TMEM150C: variants seen among roughly 807,000 people sequenced by gnomAD.
TMEM150C encodes tentonin 3.
A neutral mutation model predicts 29.9 loss-of-function variants in TMEM150C; 10 were observed. That is an observed-to-expected ratio of 0.33 (90% CI 0.21 to 0.57). The LOEUF is 0.57. Ranked by LOEUF, TMEM150C falls within the 20% of genes least tolerant of loss-of-function variation. The probability of loss-of-function intolerance (pLI) is 0.88; values close to 1 mark genes in which losing one functional copy is unlikely to be tolerated. For missense variants in TMEM150C, 251 were observed against 303.6 expected (o/e 0.83, Z 1.29); for synonymous variants, 101 against 112.5 (o/e 0.90, Z 0.64).
intron 2 of TMEM150C, among the ~76,000 whole-genome samples, chr4:82,503,668 G>A (rs1027369134): frequency 1.3e-5 from 2 of 152,026 alleles, no homozygotes; most frequent in East Asian, 1.9e-4. Context: ...GGCTAACATG[G>A]TGAAACCCCG....
At chr4:82,549,116 C>T (rs550028312) in intron 1 of TMEM150C, among the ~76,000 whole-genome samples, 1 of 149,850 alleles carries the variant, frequency 6.7e-6, no homozygotes, top group South Asian at 2.1e-4. Flanking sequence ...ACCACTGTTA[C>T]ATTTGATGTG....
At chr4:82,493,032 A>C (rs1480168695) in intron 6 of TMEM150C, among the ~76,000 whole-genome samples, 1 of 151,038 alleles carries the variant, frequency 6.6e-6, no homozygotes, top group East Asian at 1.9e-4. Flanking sequence ...TTTTAATTGC[A>C]CATATAAGAA....
Position 82,511,472 on chromosome 4 carries a change from A to ATTTTTTTTTTTT in TMEM150C, c.-10-6817_-10-6806dup, listed in dbSNP as rs397935719. Among the ~76,000 whole-genome samples, 25 of 106,348 alleles carry ATTTTTTTTTTTT rather than the reference A, an allele frequency of 2.4e-4. 1 individual carries two copies. The highest frequency in any genetic ancestry group is 5.9e-4 in the Admixed American group (5 of 8,466). 69.8% of individuals were successfully genotyped at this position (106,348 alleles called of 152,430 possible). ...CAATGGAGCACATTGTCCCAACACT[A>ATTTTTTTTTTTT]TTTTTTTTTTTTTTTTTTTTGAGAT... On this transcript the variant is annotated intron_variant, in intron 1 of 7. Coordinates refer to ENST00000449862, the MANE Select transcript of TMEM150C (RefSeq NM_001080506.3).
chr4:82,524,020 A>T (rs1179725247), intron 1 of TMEM150C, among the ~76,000 whole-genome samples: 1 of 150,450 alleles, frequency 6.6e-6, no homozygotes, highest in African/African-American at 2.4e-5. Flanking sequence ...CAACTTTGGG[A>T]GGCCAAGAAG....
chr4:82,489,747 T>C (rs1723271832), intron 7 of TMEM150C, among the ~76,000 whole-genome samples: 1 of 152,178 alleles, frequency 6.6e-6, no homozygotes, highest in Non-Finnish European at 1.5e-5. Flanking sequence ...AAATGGCAAT[T>C]CTCTTTTGGC....
At chr4:82,490,960 T>C (rs961501701) in intron 6 of TMEM150C, 1 of 730,748 alleles carries the variant, frequency 1.4e-6, no homozygotes, top group Non-Finnish European at 2.5e-6. Flanking sequence ...TTGGTCCTGA[T>C]AGCTTCCACC....
chr4:82,501,373 T>A (rs1317941994), intron 5 of TMEM150C, among the ~76,000 whole-genome samples: 1 of 152,004 alleles, frequency 6.6e-6, no homozygotes, highest in African/African-American at 2.4e-5. Context: ...GCCAGGGGCA[T>A]AAAGAGGAGA....
At chr4:82,506,086 T>G (rs936159231) in intron 1 of TMEM150C, among the ~76,000 whole-genome samples, 17 of 152,200 alleles carry the variant, frequency 1.1e-4, no homozygotes, top group South Asian at 2.1e-4. Context: ...AGTTGTTGTT[T>G]TTTTTTTACA....
At position 82,543,694 on chromosome 4, in the gene TMEM150C, A is replaced by C. The variant is rs76573507; in HGVS notation, c.-11+18212T>G. Among the ~76,000 whole-genome samples, 1,294 of 152,326 alleles carry C rather than the reference A, an allele frequency of 8.5e-3. 7 individuals are homozygous for C. The highest frequency in any genetic ancestry group is 0.013 in the Non-Finnish European group (899 of 68,020). On this transcript the variant is annotated intron_variant, in intron 1 of 7. Coordinates refer to ENST00000449862, the MANE Select transcript of TMEM150C (RefSeq NM_001080506.3). ...TACAACATACTCATTCAAGAGCTAA[A>C]CAATGTATCATTTCAAACATGAAAT...
chr4:82,489,987 T>C (rs1043544669), intron 7 of TMEM150C, 74 bp downstream of exon 7: 1 of 1,431,896 alleles, frequency 7.0e-7, no homozygotes. Flanking sequence ...CCTAACCCAC[T>C]GGGTTCTTCT....
Position 82,521,962 on chromosome 4 carries a change from T to C in TMEM150C, c.-10-17295A>G, listed in dbSNP as rs1311550526. ...CCTGTAATACCAGCATTTTGGGAGG[T>C]TGAGGTGGGAGAATCGCTTGAACCT... On this transcript the variant is annotated intron_variant, in intron 1 of 7. Transcript: ENST00000449862. Among the ~76,000 whole-genome samples, 4 of 151,888 alleles carry C rather than the reference T, an allele frequency of 2.6e-5. No homozygotes were observed. The South Asian group carries it at 6.2e-4, about 24-fold the overall frequency.
At position 82,484,666 on chromosome 4, in the gene TMEM150C, C is replaced by T. The variant is rs1723102343; in HGVS notation, c.*845G>A. The T allele has an allele frequency of 6.6e-6, 1 of 152,176 alleles. No homozygotes were observed. The highest frequency in any genetic ancestry group is 2.1e-4 in the South Asian group (1 of 4,830). 9.4% of individuals were successfully genotyped at this position (152,176 alleles called of 1,614,324 possible). Reference sequence around the variant, plus strand: ...GAACCCAAAGCAAGCTCAGCTCTTGCATTTGGTCTACATCTTTGTCCATGA... The same window carrying T: ...GAACCCAAAGCAAGCTCAGCTCTTGTATTTGGTCTACATCTTTGTCCATGA... On this transcript the variant is annotated 3_prime_UTR_variant, in exon 8 of 8. Transcript: ENST00000449862.
At chr4:82,562,175 C>A (rs1331182249), upstream of TMEM150C, 3 of 1,282,430 alleles carry the variant, frequency 2.3e-6, no homozygotes, top group Non-Finnish European at 3.0e-6. Flanking sequence ...GGGGCAGGAG[C>A]CGGGTGTGGG....
intron 1 of TMEM150C, among the ~76,000 whole-genome samples, chr4:82,515,946 C>T (rs1724283078): frequency 6.6e-6 from 1 of 152,062 alleles, no homozygotes; most frequent in Admixed American, 6.6e-5. Context: ...CTTTCTGGCC[C>T]ATAGTCACAG....
chr4:82,501,265 C>T (rs1723728303), intron 5 of TMEM150C, among the ~76,000 whole-genome samples: 2 of 152,166 alleles, frequency 1.3e-5, no homozygotes, highest in South Asian at 4.1e-4. Context: ...CCAAACCTGA[C>T]TGCCCAGGAC....
At chr4:82,522,062 CA>C (rs920563950) in intron 1 of TMEM150C, among the ~76,000 whole-genome samples, 7 of 149,592 alleles carry the variant, frequency 4.7e-5, no homozygotes, top group African/African-American at 1.7e-4. Context: ...GAACTTTATT[CA>C]AAAAAAAAAT....
intron 1 of TMEM150C, among the ~76,000 whole-genome samples, chr4:82,536,050 C>G (rs74849918): frequency 0.26 from 40,024 of 151,972 alleles, 7,232 homozygotes; most frequent in African/African-American, 0.52. Context: ...TGCTTTAAAG[C>G]AATCAGTGAG....
intron 1 of TMEM150C, among the ~76,000 whole-genome samples, chr4:82,532,116 A>C (rs1724867084): frequency 6.6e-6 from 1 of 152,254 alleles, no homozygotes; most frequent in Non-Finnish European, 1.5e-5. Flanking sequence ...GTAAAACAGC[A>C]CATTAGTACT....
rs190647427 is a variant in TMEM150C, at chr4:82,535,452, G to A, written c.-11+26454C>T. Reference sequence around the variant, plus strand: ...TCAATACAATCACAATGGCAATTAAGTTTTGGCATGAGATTTGGAGGGGAG... The same window carrying A: ...TCAATACAATCACAATGGCAATTAAATTTTGGCATGAGATTTGGAGGGGAG... On this transcript the variant is annotated intron_variant, in intron 1 of 7. Transcript: ENST00000449862. 9.8e-5 allele frequency among the ~76,000 whole-genome samples: 15 copies of A among 152,316 alleles called. 1 individual carries two copies. In the East Asian group the frequency reaches 2.7e-3, roughly 27 times the overall value.
Sources: allele counts gnomAD v4.1 joint callset (sites outside exome capture counted in the v4.1 genomes callset), GRCh38; gene constraint gnomAD v4.1.1; transcripts MANE v1.5; gene names NCBI Gene and HGNC (gene_info 2026-07-23, HGNC 2026-07-21).